NXPH2: variants seen among roughly 807,000 people sequenced by gnomAD.
NXPH2 encodes neurexophilin-2.
A neutral mutation model predicts 19.8 loss-of-function variants in NXPH2; 5 were observed. The observed-to-expected ratio is 0.25, with a 90% CI of 0.13 to 0.53. The LOEUF (loss-of-function observed/expected upper bound fraction) is 0.53. Among genes scored for constraint, NXPH2 ranks in the 20% least tolerant of loss-of-function variants. The pLI, the probability that NXPH2 is intolerant of heterozygous loss-of-function variation, is 0.96. For missense variants in NXPH2, 289 were observed against 322.8 expected (o/e 0.90, Z 0.80); for synonymous variants, 154 against 127.4 (o/e 1.21, Z -1.41).
chr2:138,771,766 T>C (rs1682181353), intron 1 of NXPH2, among the ~76,000 whole-genome samples: 1 of 152,094 alleles, frequency 6.6e-6, no homozygotes, highest in Non-Finnish European at 1.5e-5. Context: ...CAGCTGGGCT[T>C]TCATACTCTG....
chr2:138,735,275 C>T (rs1681522169), intron 1 of NXPH2, among the ~76,000 whole-genome samples: 1 of 152,004 alleles, frequency 6.6e-6, no homozygotes, highest in Admixed American at 6.6e-5. Context: ...TTTCATGATG[C>T]TGATAAAGAC....
At chr2:138,737,736 C>T (rs1328606684) in intron 1 of NXPH2, among the ~76,000 whole-genome samples, 1 of 152,146 alleles carries the variant, frequency 6.6e-6, no homozygotes, top group Non-Finnish European at 1.5e-5. Flanking sequence ...CCAATATCCT[C>T]ATCAGTATCT....
intron 1 of NXPH2, among the ~76,000 whole-genome samples, chr2:138,714,771 C>A (rs529172083): frequency 1.3e-5 from 2 of 152,268 alleles, no homozygotes; most frequent in East Asian, 3.9e-4. Flanking sequence ...TGCAAAAGAA[C>A]ACAAGAGCAA....
chr2:138,725,635 G>T (rs1369854384), intron 1 of NXPH2, among the ~76,000 whole-genome samples: 1 of 152,140 alleles, frequency 6.6e-6, no homozygotes, highest in African/African-American at 2.4e-5. Flanking sequence ...TGGCATTGTA[G>T]ATGCACTGAT....
intron 1 of NXPH2, among the ~76,000 whole-genome samples, chr2:138,673,661 T>C (rs1680444498): frequency 6.6e-6 from 1 of 150,746 alleles, no homozygotes; most frequent in Non-Finnish European, 1.5e-5. Flanking sequence ...TTTTTTTTGG[T>C]AGAGATGGGG....
chr2:138,766,645 T>C (rs1038127005), intron 1 of NXPH2, among the ~76,000 whole-genome samples: 67 of 152,182 alleles, frequency 4.4e-4, no homozygotes, highest in African/African-American at 1.5e-3. Context: ...AGTCAACTCA[T>C]GGCCACAGGA....
At chr2:138,748,965 A>G (rs72873909) in intron 1 of NXPH2, among the ~76,000 whole-genome samples, 8,618 of 152,230 alleles carry the variant, frequency 0.057, 347 homozygotes, top group Non-Finnish European at 0.083. Flanking sequence ...AAAAGGACAT[A>G]ATTTCTTATG....
At chr2:138,761,287 C>T (rs1052535803) in intron 1 of NXPH2, among the ~76,000 whole-genome samples, 1 of 152,234 alleles carries the variant, frequency 6.6e-6, no homozygotes, top group East Asian at 1.9e-4. Flanking sequence ...TCAAATGTTT[C>T]GTCTGATTGA....
chr2:138,684,702 G>C (rs1680622845), intron 1 of NXPH2, among the ~76,000 whole-genome samples: 1 of 152,132 alleles, frequency 6.6e-6, no homozygotes, highest in African/African-American at 2.4e-5. Context: ...AGACCAGAAG[G>C]AACTGGGACT....
chr2:138,741,804 C>A (rs1164647597), intron 1 of NXPH2, among the ~76,000 whole-genome samples: 1 of 152,102 alleles, frequency 6.6e-6, no homozygotes, highest in Non-Finnish European at 1.5e-5. Context: ...TTCCTTCCTG[C>A]CCTTACATAA....
chr2:138,757,560 G>T (rs182742770), intron 1 of NXPH2, among the ~76,000 whole-genome samples: 4 of 152,170 alleles, frequency 2.6e-5, no homozygotes, highest in Non-Finnish European at 4.4e-5. Context: ...GTTTATGCTT[G>T]TCAGTTCTTG....
intron 1 of NXPH2, among the ~76,000 whole-genome samples, chr2:138,726,363 T>C (rs190362693): frequency 2.4e-3 from 367 of 152,240 alleles, no homozygotes; most frequent in Non-Finnish European, 4.7e-3. Flanking sequence ...AGAGTTTAAT[T>C]AATATAATGT....
At chr2:138,776,760 C>T (rs1023710720) in intron 1 of NXPH2, among the ~76,000 whole-genome samples, 4 of 151,718 alleles carry the variant, frequency 2.6e-5, no homozygotes, top group African/African-American at 9.7e-5. Flanking sequence ...AAAGAGTTAT[C>T]AATTCTTGTA....
chr2:138,722,318 A>C (rs1468825125), intron 1 of NXPH2, among the ~76,000 whole-genome samples: 1 of 152,246 alleles, frequency 6.6e-6, no homozygotes. Flanking sequence ...TTTTGGAAAA[A>C]GAGAATTCCA....
chr2:138,733,590 A>G (rs1348377524), intron 1 of NXPH2, among the ~76,000 whole-genome samples: 1 of 152,176 alleles, frequency 6.6e-6, no homozygotes, highest in African/African-American at 2.4e-5. Context: ...AGAAATTGTC[A>G]TTTTACGTGA....
chr2:138,713,823 T>A (rs1175685665), intron 1 of NXPH2, among the ~76,000 whole-genome samples: 1 of 152,154 alleles, frequency 6.6e-6, no homozygotes, highest in East Asian at 1.9e-4. Flanking sequence ...GTGTTCCTTA[T>A]CAAACCTTTC....
intron 1 of NXPH2, among the ~76,000 whole-genome samples, chr2:138,767,696 T>C (rs1477456567): frequency 6.6e-6 from 1 of 152,346 alleles, no homozygotes; most frequent in East Asian, 1.9e-4. Context: ...GTAATCTATC[T>C]TGTTTTTCTG....
intron 1 of NXPH2, among the ~76,000 whole-genome samples, chr2:138,714,318 T>C (rs1161141879): frequency 6.6e-6 from 1 of 152,202 alleles, no homozygotes; most frequent in African/African-American, 2.4e-5. Flanking sequence ...AAAATAGTTA[T>C]TTGTATTTTC....
At chr2:138,687,242 A>T (rs901990428) in intron 1 of NXPH2, among the ~76,000 whole-genome samples, 2 of 152,184 alleles carry the variant, frequency 1.3e-5, no homozygotes, top group African/African-American at 4.8e-5. Flanking sequence ...AATGTTTGCC[A>T]TTCTAACTGG....
Sources: allele counts gnomAD v4.1 joint callset (sites outside exome capture counted in the v4.1 genomes callset), GRCh38; gene constraint gnomAD v4.1.1; transcripts MANE v1.5; gene names NCBI Gene and HGNC (gene_info 2026-07-23, HGNC 2026-07-21).